TRAPPC9: variants seen among roughly 807,000 people sequenced by gnomAD.
TRAPPC9 encodes IKK2 binding protein.
In TRAPPC9, 83 loss-of-function variants were observed where a neutral mutation model predicts 124.0. That is an observed-to-expected ratio of 0.67 (90% CI 0.56 to 0.80). TRAPPC9 has a LOEUF of 0.80. TRAPPC9 is among the 30% of genes least tolerant of loss of function. The pLI is 0.00. For missense variants in TRAPPC9, 1,302 were observed against 1,508.3 expected (o/e 0.86, Z 2.27); for synonymous variants, 638 against 617.5 (o/e 1.03, Z -0.49).
intron 17 of TRAPPC9, among the ~76,000 whole-genome samples, chr8:140,185,915 TCAA>T (rs2062344817): frequency 6.6e-6 from 1 of 152,068 alleles, no homozygotes; most frequent in Non-Finnish European, 1.5e-5. Flanking sequence ...CAGGAGGCCC[TCAA>T]GGCCTGCCCC....
chr8:140,108,566 C>T (rs1479605491), intron 17 of TRAPPC9, among the ~76,000 whole-genome samples: 1 of 152,226 alleles, frequency 6.6e-6, no homozygotes. Flanking sequence ...CCTACCCTCA[C>T]AGGCCTCCCA....
chr8:140,074,322 G>C (rs1343942098), intron 17 of TRAPPC9, among the ~76,000 whole-genome samples: 1 of 152,168 alleles, frequency 6.6e-6, no homozygotes, highest in African/African-American at 2.4e-5. Context: ...CAGAACTCCA[G>C]TGGTCACAGC....
chr8:139,902,402 G>A (rs959360408), intron 20 of TRAPPC9, among the ~76,000 whole-genome samples: 12 of 152,238 alleles, frequency 7.9e-5, no homozygotes, highest in African/African-American at 2.9e-4. Context: ...GGCAAGGCAG[G>A]ACGTCTCTCT....
At chr8:140,305,303 T>C (rs1016911794) in intron 10 of TRAPPC9, among the ~76,000 whole-genome samples, 6 of 152,196 alleles carry the variant, frequency 3.9e-5, no homozygotes, top group African/African-American at 1.4e-4. Flanking sequence ...ACTTGTTCTT[T>C]TTTTTGAGAG....
At chr8:140,309,176 G>A (rs367858251) in intron 10 of TRAPPC9, among the ~76,000 whole-genome samples, 9 of 152,344 alleles carry the variant, frequency 5.9e-5, no homozygotes, top group Admixed American at 3.9e-4. Context: ...TGTACTGTTT[G>A]AAAACACAGG....
chr8:140,143,565 TC>T (rs1297796583), intron 17 of TRAPPC9, among the ~76,000 whole-genome samples: 1 of 152,252 alleles, frequency 6.6e-6, no homozygotes, highest in African/African-American at 2.4e-5. Context: ...AACTGATCAA[TC>T]TTTTCCTTCC....
intron 21 of TRAPPC9, among the ~76,000 whole-genome samples, chr8:139,850,578 C>A (rs1210094321): frequency 1.3e-5 from 2 of 152,184 alleles, no homozygotes; most frequent in Non-Finnish European, 2.9e-5. Flanking sequence ...ACCACTGGGC[C>A]ATATAATTAG....
chr8:140,326,222 TAA>T (rs748923859), intron 9 of TRAPPC9, among the ~76,000 whole-genome samples: 36 of 109,356 alleles, frequency 3.3e-4, no homozygotes, highest in Middle Eastern at 4.6e-3. Context: ...CCGTCTCTAC[TAA>T]AAAAAAAAAA....
At chr8:140,033,083 T>C (rs951859481) in intron 17 of TRAPPC9, among the ~76,000 whole-genome samples, 2 of 152,218 alleles carry the variant, frequency 1.3e-5, no homozygotes, top group African/African-American at 4.8e-5. Context: ...TGTATTTTTG[T>C]CCAAATTCCT....
intron 17 of TRAPPC9, among the ~76,000 whole-genome samples, chr8:140,109,158 G>A (rs2130472217): frequency 1.3e-5 from 2 of 152,228 alleles, no homozygotes; most frequent in South Asian, 2.1e-4. Flanking sequence ...AGGCGAGGTC[G>A]ACACAAGCCT....
intron 19 of TRAPPC9, among the ~76,000 whole-genome samples, chr8:139,978,634 A>C (rs1230493810): frequency 6.6e-6 from 1 of 152,166 alleles, no homozygotes; most frequent in East Asian, 1.9e-4. Context: ...CATTATCCGA[A>C]GATGGTGCCT....
At chr8:139,985,247 G>A (rs1166253885) in intron 19 of TRAPPC9, among the ~76,000 whole-genome samples, 1 of 152,192 alleles carries the variant, frequency 6.6e-6, no homozygotes, top group East Asian at 1.9e-4. Flanking sequence ...AATGAGTCAA[G>A]CTTACTATAC....
intron 13 of TRAPPC9, among the ~76,000 whole-genome samples, chr8:140,286,955 G>A (rs2065500795): frequency 6.6e-6 from 1 of 152,088 alleles, no homozygotes; most frequent in South Asian, 2.1e-4. Context: ...CCTGACTGAG[G>A]AGTGGGCTGC....
chr8:140,338,041 T>A (rs1240964214), intron 9 of TRAPPC9, among the ~76,000 whole-genome samples: 4 of 152,200 alleles, frequency 2.6e-5, no homozygotes, highest in African/African-American at 7.2e-5. Flanking sequence ...TACCAAGGAA[T>A]ATGCCATTTC....
At chr8:139,865,854 T>C (rs1051283129) in intron 21 of TRAPPC9, among the ~76,000 whole-genome samples, 59 of 152,182 alleles carry the variant, frequency 3.9e-4, no homozygotes, top group African/African-American at 1.4e-3. Flanking sequence ...TGACCATGGC[T>C]CGTGACACAG....
chr8:139,932,834 G>A (rs1182456820), intron 19 of TRAPPC9: 1 of 313,464 alleles, frequency 3.2e-6, no homozygotes, highest in South Asian at 2.8e-5. Flanking sequence ...GACATGTAAT[G>A]TAAGAAGATG....
intron 21 of TRAPPC9, among the ~76,000 whole-genome samples, chr8:139,884,838 A>G (rs1219405002): frequency 6.6e-6 from 1 of 152,236 alleles, no homozygotes; most frequent in Non-Finnish European, 1.5e-5. Flanking sequence ...GGAAACCCAT[A>G]GCCGCCATGA....
At chr8:140,008,128 A>G (rs1838879473) in intron 18 of TRAPPC9, among the ~76,000 whole-genome samples, 1 of 152,258 alleles carries the variant, frequency 6.6e-6, no homozygotes, top group Admixed American at 6.5e-5. Context: ...ATGTGTGTTC[A>G]TCATCTCAGG....
rs529634691 is a variant in TRAPPC9 at position 139,909,709 on chromosome 8, C to A, written c.2964+438G>T. ...TGTTATAGCACAATCCTTCTGAAAA[C>A]TCTCTCCAACTTTTCAAAATGGCAT... On this transcript the variant is annotated intron_variant, in intron 20 of 22. Transcript: ENST00000438773. Among the ~76,000 whole-genome samples the A allele has an allele frequency of 2.0e-5, 3 of 152,344 alleles. No individual in the cohort carries two copies. The East Asian group carries it at 5.8e-4, about 29-fold the overall frequency.
Sources: allele counts gnomAD v4.1 joint callset (sites outside exome capture counted in the v4.1 genomes callset), GRCh38; gene constraint gnomAD v4.1.1; transcripts MANE v1.5; gene names NCBI Gene and HGNC (gene_info 2026-07-23, HGNC 2026-07-21).